The following ACAP2 variants were observed in gnomAD, a reference collection of about 807,000 sequenced individuals.
ACAP2 encodes the protein ArfGAP with coiled-coil, ankyrin repeat and PH domains 2.
ACAP2 carries 39 observed loss-of-function variants against 115.8 expected under a neutral mutation model. The ratio of observed to expected loss-of-function variants is 0.34; its 90% CI spans 0.26 to 0.44. The LOEUF is 0.44. Among genes scored for constraint, ACAP2 ranks in the 20% least tolerant of loss-of-function variants. The pLI is 1.00. For missense variants in ACAP2, 662 were observed against 927.6 expected, an observed-to-expected ratio of 0.71 and a Z score of 3.72; for synonymous variants, 289 against 315.8, an observed-to-expected ratio of 0.92 and a Z score of 0.90.
chr3:195,414,432 T>C, intron 1 of ACAP2, among the ~76,000 whole-genome samples: 1 of 152,148 alleles, frequency 6.6e-6, no homozygotes, highest in East Asian at 1.9e-4. Context: ...CTTGCCACAC[T>C]ATCCAGCAAT....
chr3:195,421,551 AG>A (rs1226841670), intron 1 of ACAP2, among the ~76,000 whole-genome samples: 1 of 152,224 alleles, frequency 6.6e-6, no homozygotes, highest in Non-Finnish European at 1.5e-5. Context: ...TTGGAATCAT[AG>A]GAAAGCAGTA....
intron 1 of ACAP2, among the ~76,000 whole-genome samples, chr3:195,413,977 T>TA (rs1713502252): frequency 1.4e-5 from 2 of 145,524 alleles, no homozygotes; most frequent in Admixed American, 1.4e-4. Flanking sequence ...CCTGTCTCTT[T>TA]AAAAAAAGAA....
At chr3:195,438,372 C>T (rs1282968867) in intron 1 of ACAP2, among the ~76,000 whole-genome samples, 2 of 148,710 alleles carry the variant, frequency 1.3e-5, no homozygotes, top group Non-Finnish European at 3.0e-5. Flanking sequence ...TTTATAATTC[C>T]ATTCTACTGC....
chr3:195,383,211 C>T (rs146332268), intron 2 of ACAP2, among the ~76,000 whole-genome samples: 234 of 151,992 alleles, frequency 1.5e-3, no homozygotes, highest in African/African-American at 5.4e-3. Context: ...GGAGTAACCA[C>T]TATGCAAGAA....
chr3:195,371,056 G>T (rs906936094), intron 4 of ACAP2, among the ~76,000 whole-genome samples: 1 of 151,144 alleles, frequency 6.6e-6, no homozygotes, highest in Non-Finnish European at 1.5e-5. Flanking sequence ...ACACTTTTTT[G>T]GTTCCATATA....
chr3:195,404,862 A>C (rs1177281834), intron 1 of ACAP2, among the ~76,000 whole-genome samples: 1 of 151,058 alleles, frequency 6.6e-6, no homozygotes, highest in Non-Finnish European at 1.5e-5. Context: ...CAATGGCACA[A>C]TCTCAGCTCA....
intron 2 of ACAP2, among the ~76,000 whole-genome samples, chr3:195,386,958 C>G (rs1455010109): frequency 2.6e-5 from 4 of 152,046 alleles, no homozygotes; most frequent in Admixed American, 2.6e-4. Context: ...AAGATTAGAA[C>G]CCTGGGTGAT....
intron 21 of ACAP2, among the ~76,000 whole-genome samples, chr3:195,288,751 G>A (rs1217126854): frequency 6.6e-6 from 1 of 152,072 alleles, no homozygotes; most frequent in African/African-American, 2.4e-5. Flanking sequence ...CCAGCGACTA[G>A]GGAGGCTGAG....
At position 195,291,724 on chromosome 3, in the gene ACAP2, G is replaced by A; in HGVS notation, c.2045C>T (p.Thr682Ile). The A allele has an allele frequency of 1.2e-6, 2 of 1,613,738 alleles. No homozygotes were observed. The highest frequency in any genetic ancestry group is 1.7e-6 in the Non-Finnish European group (2 of 1,179,848). ...VQGRGPLHHATVLGHTGQVCL... is the reference protein window; with the variant it reads ...VQGRGPLHHAIVLGHTGQVCL... ...CAGTTACCCTGTGTGCCCTAAGACG[G>A]TGGCATGGTGCAATGGTCCCCGCCC... Residue 682 changes from threonine (T) to isoleucine (I), a missense_variant, in exon 20 of 23, where the codon ACC (threonine) becomes ATC (isoleucine). Physicochemically the swap from Thr to Ile is moderately conservative, Grantham distance 89. Coordinates refer to ENST00000326793, the MANE Select transcript of ACAP2 (RefSeq NM_012287.6).
rs181141041 is a variant in ACAP2, at chr3:195,418,123, G to T, written c.53+24672C>A. 2.6e-5 allele frequency among the ~76,000 whole-genome samples: 4 copies of T among 152,138 alleles called. No individual in the cohort carries two copies. In the East Asian group the frequency reaches 7.7e-4, roughly 29 times the overall value. On this transcript the variant is annotated intron_variant, in intron 1 of 22. Transcript: ENST00000326793. ...GGCCTTTGGACTTACAGTTCTCTCT[G>T]CCAGAAGCCCTCTTCTCTTCTTAAA...
intron 4 of ACAP2, among the ~76,000 whole-genome samples, chr3:195,368,632 T>TTAG (rs1732898159): frequency 6.6e-6 from 1 of 152,238 alleles, no homozygotes; most frequent in South Asian, 2.1e-4. Flanking sequence ...GCATCATCAT[T>TTAG]TAGTATTACA....
rs953665341 is a variant in ACAP2, at chr3:195,322,601, G to GA, written c.745-1789dup. Among the ~76,000 whole-genome samples the GA allele has an allele frequency of 8.9e-4, 133 of 150,248 alleles. 2 individuals are homozygous for GA. The highest frequency in any genetic ancestry group is 2.5e-3 in the African/African-American group (101 of 40,912). ...ATTGCTTCCTACTTTTTCTTTGGGG[G>GA]AAAAAAAAATCAGGGAAACTTTAAT... On this transcript the variant is annotated intron_variant, in intron 9 of 22. Coordinates refer to ENST00000326793, the MANE Select transcript of ACAP2 (RefSeq NM_012287.6).
In ACAP2 at chr3:195,377,138, C is replaced by CTTTT. The variant is rs749352761; in HGVS notation, c.285+3867_285+3870dup. Among the ~76,000 whole-genome samples the CTTTT allele has an allele frequency of 9.4e-3, 726 of 77,076 alleles. 61 individuals carry two copies. Among genetic ancestry groups the CTTTT allele is most frequent in the African/African-American group, 0.034 (640 of 18,866 alleles). The allele number at this position is 77,076 out of a possible 152,430, so 50.6% of individuals were successfully genotyped here. A position where few individuals can be genotyped will look rare whatever the true frequency, so the allele number is the denominator to read the frequency against. On this transcript the variant is annotated intron_variant, in intron 4 of 22. Coordinates refer to ENST00000326793, the MANE Select transcript of ACAP2 (RefSeq NM_012287.6). ...CATTTTACAGAGGAGGAATGTAAAT[C>CTTTT]TTTTTTTTTTTTTTTTTTTTTTTGG...
chr3:195,419,400 T>C (rs1407252442), intron 1 of ACAP2: 1 of 152,182 alleles, frequency 6.6e-6, no homozygotes, highest in Non-Finnish European at 1.5e-5. Flanking sequence ...AATATTTTCC[T>C]ATCTTTCACT....
At chr3:195,413,735 T>C (rs76086564) in intron 1 of ACAP2, among the ~76,000 whole-genome samples, 1 of 151,752 alleles carries the variant, frequency 6.6e-6, no homozygotes, top group African/African-American at 2.4e-5. Flanking sequence ...GGCAACAGAG[T>C]GAGGCTCTCT....
intron 1 of ACAP2, among the ~76,000 whole-genome samples, chr3:195,416,516 A>G (rs1327721493): frequency 1.3e-5 from 2 of 152,202 alleles, no homozygotes; most frequent in East Asian, 3.8e-4. Context: ...AGGAGTGTAT[A>G]CTGATATAAC....
chr3:195,279,659 C>G, intron 22 of ACAP2: 1 of 330,692 alleles, frequency 3.0e-6, no homozygotes, highest in East Asian at 5.3e-5. Context: ...CAGAAGAAAG[C>G]TCAGAGTTAG....
intron 6 of ACAP2, among the ~76,000 whole-genome samples, chr3:195,338,885 A>G (rs1730688173): frequency 6.6e-6 from 1 of 151,044 alleles, no homozygotes; most frequent in Non-Finnish European, 1.5e-5. Context: ...AAAGCACTAA[A>G]TTAAAAAAAA....
chr3:195,325,564 A>G (rs56211708), intron 9 of ACAP2: 19,627 of 388,284 alleles, frequency 0.051, 994 homozygotes, highest in African/African-American at 0.13. Context: ...AATCAAATAA[A>G]TTATTCTTAG....
Sources: gnomAD v4.1 joint callset for allele counts (sites outside exome capture counted in the v4.1 genomes callset) on GRCh38, gnomAD v4.1.1 for gene constraint, MANE v1.5 for transcripts, NCBI Gene and HGNC (gene_info 2026-07-23, HGNC 2026-07-21) for gene names.